Variants in ABCA4 observed in about 807,000 individuals in gnomAD.
ABCA4 encodes the protein ATP binding cassette subfamily A member 4, also known as retinal-specific phospholipid-transporting ATPase ABCA4.
A neutral mutation model predicts 263.7 loss-of-function variants in ABCA4; 196 were observed. The observed-to-expected ratio is 0.74, with a 90% CI of 0.66 to 0.84. The LOEUF (loss-of-function observed/expected upper bound fraction) is 0.84. Ranked by LOEUF, ABCA4 falls within the 40% of genes least tolerant of loss-of-function variation. ABCA4 has a pLI of 0.00. For synonymous variants in ABCA4, 1,133 were observed against 1,094.2 expected, an observed-to-expected ratio of 1.04 and a Z score of -0.70; for missense variants, 2,792 against 2,855.1, an observed-to-expected ratio of 0.98 and a Z score of 0.50.
chr1:94,068,116 C>T (rs1445433010), intron 11 of ABCA4, among the ~76,000 whole-genome samples: 1 of 152,094 alleles, frequency 6.6e-6, no homozygotes, highest in Non-Finnish European at 1.5e-5. Context: ...TCCATAACAC[C>T]TCATTTGGTT....
chr1:94,109,784 T>C (rs565645920), intron 3 of ABCA4, among the ~76,000 whole-genome samples: 1 of 152,318 alleles, frequency 6.6e-6, no homozygotes, highest in African/African-American at 2.4e-5. Flanking sequence ...ATCCAAATCA[T>C]AGATTTCCTT....
chr1:94,081,930 C>T (rs536043936), intron 7 of ABCA4, among the ~76,000 whole-genome samples: 4 of 152,362 alleles, frequency 2.6e-5, no homozygotes, highest in African/African-American at 9.6e-5. Context: ...CACCTGATTA[C>T]TTGCTTTGCT....
intron 43 of ABCA4, among the ~76,000 whole-genome samples, chr1:94,006,945 C>T (rs1659405208): frequency 6.6e-6 from 1 of 152,246 alleles, no homozygotes; most frequent in African/African-American, 2.4e-5. Context: ...AGTGAGAGCT[C>T]ATCCTCTCTG....
intron 12 of ABCA4, 127 bp from the exon 13 acceptor site, chr1:94,062,880 A>G (rs1264725435): frequency 3.7e-5 from 42 of 1,139,722 alleles, no homozygotes; most frequent in Non-Finnish European, 5.2e-5. Flanking sequence ...AAAGGATCCA[A>G]TTCTATTTCC....
At chr1:94,046,592 T>G (rs1660690371) in intron 19 of ABCA4, among the ~76,000 whole-genome samples, 1 of 151,652 alleles carries the variant, frequency 6.6e-6, no homozygotes, top group African/African-American at 2.4e-5. Flanking sequence ...ACTCAAGGTG[T>G]GAGAAACAAG....
chr1:94,040,506 C>T (rs949335585), intron 23 of ABCA4, among the ~76,000 whole-genome samples: 11 of 152,166 alleles, frequency 7.2e-5, no homozygotes, highest in African/African-American at 2.7e-4. Flanking sequence ...ATAATGCTGC[C>T]ATATCATAAT....
intron 30 of ABCA4, among the ~76,000 whole-genome samples, chr1:94,027,718 C>T (rs1364128195): frequency 6.6e-6 from 1 of 152,222 alleles, no homozygotes; most frequent in African/African-American, 2.4e-5. Context: ...TTGCTCCTCC[C>T]TGCTGCCTTA....
At chr1:94,084,666 G>T (rs1382814623) in intron 6 of ABCA4, among the ~76,000 whole-genome samples, 2 of 152,148 alleles carry the variant, frequency 1.3e-5, no homozygotes, top group African/African-American at 4.8e-5. Flanking sequence ...AAGCAGATGG[G>T]TAGAATTTTC....
chr1:94,084,033 G>A (rs1661771344), intron 6 of ABCA4, among the ~76,000 whole-genome samples: 1 of 152,222 alleles, frequency 6.6e-6, no homozygotes, highest in Admixed American at 6.5e-5. Context: ...CAGTGTTCAG[G>A]AAACCCCAGC....
intron 18 of ABCA4, among the ~76,000 whole-genome samples, chr1:94,048,658 G>A (rs555052607): frequency 1.3e-5 from 2 of 152,336 alleles, no homozygotes; most frequent in Non-Finnish European, 1.5e-5. Context: ...CTTTCTCCAG[G>A]AAATATGCGC....
At position 94,111,541 on chromosome 1, in the gene ABCA4, G is replaced by A; in HGVS notation, c.199C>T (p.Leu67=). Reference sequence around the variant, plus strand: ...CAGAAGATCCCCTGGAGCCACGGCAGCATTCCTGCTGAGGGCATCGCCTTG... The same window carrying A: ...CAGAAGATCCCCTGGAGCCACGGCAACATTCCTGCTGAGGGCATCGCCTTG... ...PNKAMPSAGM[L]PWLQGIFCNV... The change falls in exon 3 of 50, where the codon CTG becomes TTG. Residue 67 remains leucine (L), a synonymous_variant. Transcript: ENST00000370225. 1 of 1,614,220 alleles carries A rather than the reference G, an allele frequency of 6.2e-7. No homozygotes were observed.
At position 94,093,148 on chromosome 1, in the gene ABCA4, G is replaced by A. The variant is rs369171415; in HGVS notation, c.768+5646C>T. On this transcript the variant is annotated intron_variant, in intron 6 of 49. Transcript: ENST00000370225. Reference sequence around the variant, plus strand: ...CTCAGGGGCAGGGAGGATGCTGAAGGGGGCAGGGAGGATGCTGAATACTTC... The same window carrying A: ...CTCAGGGGCAGGGAGGATGCTGAAGAGGGCAGGGAGGATGCTGAATACTTC... Among the ~76,000 whole-genome samples the A allele has an allele frequency of 2.6e-5, 4 of 152,240 alleles. No homozygotes were observed. The South Asian group carries it at 6.2e-4, about 24-fold the overall frequency.
At chr1:94,083,542 C>T (rs995117943) in intron 6 of ABCA4, 101 bp from the exon 7 acceptor site, 3 of 830,002 alleles carry the variant, frequency 3.6e-6, no homozygotes, top group South Asian at 3.3e-5. Context: ...AAACTCCCCC[C>T]CTCCTTCTTT....
chr1:94,051,941 A>G (rs1660852164), intron 16 of ABCA4, among the ~76,000 whole-genome samples: 1 of 152,240 alleles, frequency 6.6e-6, no homozygotes, highest in Non-Finnish European at 1.5e-5. Flanking sequence ...ATCTTGGTTG[A>G]CATCAGTTTT....
chr1:93,997,319 A>G (rs1659034146), intron 48 of ABCA4, among the ~76,000 whole-genome samples: 1 of 152,080 alleles, frequency 6.6e-6, no homozygotes, highest in African/African-American at 2.4e-5. Flanking sequence ...GTGCAGTGGT[A>G]TGAACACAGC....
At position 94,078,601 on chromosome 1, in the gene ABCA4, TC is replaced by T. The variant is rs61748554; in HGVS notation, c.1344del (p.Met448IlefsTer3). The T allele has an allele frequency of 6.9e-7, 1 of 1,458,000 alleles. No homozygotes were observed. The highest frequency in any genetic ancestry group is 9.3e-7 in the Non-Finnish European group (1 of 1,078,202). 90.3% of individuals were successfully genotyped at this position (1,458,000 alleles called of 1,614,324 possible). A position where few individuals can be genotyped will look rare whatever the true frequency, so the allele number is the denominator to read the frequency against. On this transcript the variant is annotated frameshift_variant, in exon 10 of 50. Transcript: ENST00000370225. LOFTEE classifies it high-confidence loss of function. ...IWYFFDNSTQMNMIRDTLGNP... is the reference protein window; with the variant it reads ...IWYFFDNSTQXNMIRDTLGNP... ...CCAACCCCCCTTACTCTGATCATGTTCATCTGTGTGCTGTTGTCAAAGAAGT... is the reference window on the plus strand; with the variant it reads ...CCAACCCCCCTTACTCTGATCATGTTATCTGTGTGCTGTTGTCAAAGAAGT...
At chr1:94,029,334 C>G in intron 30 of ABCA4, 111 bp downstream of exon 30, 1 of 1,133,446 alleles carries the variant, frequency 8.8e-7, no homozygotes, top group Non-Finnish European at 1.2e-6. Context: ...GTCCCCTACT[C>G]AACTGCCAGT....
At chr1:94,006,726 GGAC>G (rs1253855371) in intron 43 of ABCA4, among the ~76,000 whole-genome samples, 2 of 152,202 alleles carry the variant, frequency 1.3e-5, no homozygotes, top group Admixed American at 1.3e-4. Flanking sequence ...AGCGTGCTCA[GGAC>G]TCGTCCTGCC....
intron 19 of ABCA4, among the ~76,000 whole-genome samples, chr1:94,045,393 A>C (rs185595475): frequency 8.1e-4 from 123 of 151,606 alleles, no homozygotes; most frequent in Middle Eastern, 3.4e-3. Flanking sequence ...AAATGAGTTA[A>C]TACACTTACA....
Sources: gnomAD v4.1 joint callset for allele counts (sites outside exome capture counted in the v4.1 genomes callset) on GRCh38, gnomAD v4.1.1 for gene constraint, MANE v1.5 for transcripts, NCBI Gene and HGNC (gene_info 2026-07-23, HGNC 2026-07-21) for gene names.